The following RILPL1 variants were observed in gnomAD, a reference collection of about 807,000 sequenced individuals.
The protein encoded by RILPL1 is Rab interacting lysosomal protein like 1.
Under a neutral mutation model 50.3 loss-of-function variants are expected in RILPL1, and 33 were observed. The observed-to-expected ratio is 0.66, with a 90% CI of 0.50 to 0.88. The LOEUF (loss-of-function observed/expected upper bound fraction) is 0.88. Among genes scored for constraint, RILPL1 ranks in the 40% least tolerant of loss-of-function variants. RILPL1 has a pLI of 0.00. For missense variants in RILPL1, 418 were observed against 542.5 expected (o/e 0.77, Z 2.28); for synonymous variants, 205 against 228.6 (o/e 0.90, Z 0.93).
chr12:123,531,406 G>A (rs1593613558), intron 1 of RILPL1, among the ~76,000 whole-genome samples: 1 of 152,256 alleles, frequency 6.6e-6, no homozygotes, highest in Non-Finnish European at 1.5e-5. Flanking sequence ...GCCCCAGTTG[G>A]GGGACAGTAT....
rs988366252 is a variant in RILPL1, at chr12:123,489,043, G to A, written c.802-3238C>T. On this transcript the variant is annotated intron_variant, in intron 4 of 6. Coordinates refer to ENST00000376874, the MANE Select transcript of RILPL1 (RefSeq NM_178314.5). This position sits in a 1 kb window ranked among gnomAD's most constrained non-coding sequence, Gnocchi z 4.0. ...CCCAAGACCACATACAACAGGTGACGGATATGCGGCCGGCATTCAATCGCG... is the reference window on the plus strand; with the variant it reads ...CCCAAGACCACATACAACAGGTGACAGATATGCGGCCGGCATTCAATCGCG... 5.9e-5 allele frequency among the ~76,000 whole-genome samples: 9 copies of A among 152,076 alleles called. No individual in the cohort carries two copies. The highest frequency in any genetic ancestry group is 1.9e-4 in the African/African-American group (8 of 41,414).
chr12:123,477,805 G>A (rs2139307436), intron 6 of RILPL1, among the ~76,000 whole-genome samples: 1 of 152,106 alleles, frequency 6.6e-6, no homozygotes, highest in African/African-American at 2.4e-5. Flanking sequence ...CACCCAAAGA[G>A]GGTGCCCACA....
intron 2 of RILPL1, among the ~76,000 whole-genome samples, chr12:123,505,337 G>C (rs567290452): frequency 3.3e-5 from 5 of 152,038 alleles, no homozygotes; most frequent in Non-Finnish European, 5.9e-5. Context: ...CAGCCTGTTT[G>C]TTTAGAGACA....
intron 2 of RILPL1, among the ~76,000 whole-genome samples, chr12:123,512,243 AGT>A (rs763990247): frequency 9.1e-5 from 7 of 77,148 alleles, no homozygotes; most frequent in East Asian, 4.5e-4. Flanking sequence ...TGGTGTGTGC[AGT>A]GTGTGTGTAT....
At chr12:123,495,461 G>A (rs1393194484) in intron 4 of RILPL1, among the ~76,000 whole-genome samples, 1 of 147,822 alleles carries the variant, frequency 6.8e-6, no homozygotes, top group Admixed American at 6.9e-5. Context: ...TGCAAGCTTC[G>A]CCTCCTGGGT....
chr12:123,515,416 G>A (rs924953582), intron 2 of RILPL1: 9 of 151,402 alleles, frequency 5.9e-5, no homozygotes, highest in Non-Finnish European at 2.9e-5. Flanking sequence ...TGACTCTTAC[G>A]CAGTAAGAGT....
chr12:123,522,046 C>T lies in RILPL1; in HGVS notation c.460+1449G>A, dbSNP rs955009410. On this transcript the variant is annotated intron_variant, in intron 2 of 6. Coordinates refer to ENST00000376874, the MANE Select transcript of RILPL1 (RefSeq NM_178314.5). This position sits in a 1 kb window ranked among gnomAD's most constrained non-coding sequence, Gnocchi z 4.0. ...TTGGCCTCCCAAAGTGCTGGGATTA[C>T]AGGCGTGAGCCACTGTGCCTGGCCT... 6.6e-6 allele frequency among the ~76,000 whole-genome samples: 1 copy of T among 152,158 alleles called. No individual in the cohort carries two copies. Among genetic ancestry groups the T allele is most frequent in the African/African-American group, 2.4e-5 (1 of 41,446 alleles).
At position 123,533,501 on chromosome 12, in the gene RILPL1, T is replaced by G. The variant is rs1885525175; in HGVS notation, c.-19A>C. On this transcript the variant is annotated 5_prime_UTR_variant, in exon 1 of 7. Coordinates refer to ENST00000376874, the MANE Select transcript of RILPL1 (RefSeq NM_178314.5). This position sits in a 1 kb window ranked among gnomAD's most constrained non-coding sequence, Gnocchi z 6.2. Reference sequence around the variant, plus strand: ...CCTCCATGGCCACCCTCCTGGCCTGTCCCCCGCCCCGCAAACTCGTGCAAC... The same window carrying G: ...CCTCCATGGCCACCCTCCTGGCCTGGCCCCCGCCCCGCAAACTCGTGCAAC... 1 of 1,480,246 alleles carries G rather than the reference T, an allele frequency of 6.8e-7. No homozygotes were observed. The highest frequency in any genetic ancestry group is 1.4e-5 in the African/African-American group (1 of 70,876). The allele number at this position is 1,480,246 out of a possible 1,614,324, so 91.7% of individuals were successfully genotyped here. A position where few individuals can be genotyped will look rare whatever the true frequency, so the allele number is the denominator to read the frequency against.
In RILPL1 at chr12:123,521,573, ACACACATATGTGTATATATATAT is replaced by A. The variant is rs1885014480; in HGVS notation, c.460+1899_460+1921del. On this transcript the variant is annotated intron_variant, in intron 2 of 6. Coordinates refer to ENST00000376874, the MANE Select transcript of RILPL1 (RefSeq NM_178314.5). ...TGTGTGTATATATATTAATATATAT[ACACACATATGTGTATATATATAT>A]TAATATATATACACACATATGTGTA... Among the ~76,000 whole-genome samples, 7 of 17,278 alleles carry A rather than the reference ACACACATATGTGTATATATATAT, an allele frequency of 4.1e-4. 1 individual carries two copies. The highest frequency in any genetic ancestry group is 1.6e-3 in the African/African-American group (7 of 4,504). 11.3% of individuals were successfully genotyped at this position (17,278 alleles called of 152,430 possible). A position where few individuals can be genotyped will look rare whatever the true frequency, so the allele number is the denominator to read the frequency against.
chr12:123,521,660 T>C (rs1332019149), intron 2 of RILPL1, among the ~76,000 whole-genome samples: 550 of 19,778 alleles, frequency 0.028, 8 homozygotes, highest in African/African-American at 0.066. Context: ...TACACATATA[T>C]GTATATATAT....
At chr12:123,526,593 A>T (rs28535724) in intron 1 of RILPL1, among the ~76,000 whole-genome samples, 7,650 of 152,318 alleles carry the variant, frequency 0.05, 242 homozygotes, top group South Asian at 0.11. Context: ...TCCCATCCCT[A>T]CAATTCATCA....
chr12:123,472,946 C>A (rs73412254), intron 6 of RILPL1: 3 of 392,452 alleles, frequency 7.6e-6, no homozygotes, highest in Non-Finnish European at 1.4e-5. Flanking sequence ...GTGTCTTCCA[C>A]GTTAGCCGCT....
In RILPL1 at chr12:123,514,114, T is replaced by G. The variant is rs560737615; in HGVS notation, c.460+9381A>C. On this transcript the variant is annotated intron_variant, in intron 2 of 6. Coordinates refer to ENST00000376874, the MANE Select transcript of RILPL1 (RefSeq NM_178314.5). ...AGCACAACGCGCTCAGTCCACACAG[T>G]GGAGGACAATTCAGCCATAACGAGG... 3 of 152,252 alleles carry G rather than the reference T, an allele frequency of 2.0e-5. 1 individual carries two copies. In the East Asian group the frequency reaches 5.8e-4, roughly 29 times the overall value. The allele number at this position is 152,252 out of a possible 1,614,324, so 9.4% of individuals were successfully genotyped here.
intron 6 of RILPL1, among the ~76,000 whole-genome samples, chr12:123,477,615 C>T (rs1029572149): frequency 1.3e-5 from 2 of 151,968 alleles, no homozygotes; most frequent in Non-Finnish European, 2.9e-5. Flanking sequence ...CTGGAGTGAA[C>T]CACCACGCCT....
chr12:123,500,765 G>A lies in RILPL1; in HGVS notation c.461-1229C>T, dbSNP rs112049615. Among the ~76,000 whole-genome samples, 431 of 152,190 alleles carry A rather than the reference G, an allele frequency of 2.8e-3. 1 individual carries two copies. The highest frequency in any genetic ancestry group is 9.4e-3 in the African/African-American group (390 of 41,512). On this transcript the variant is annotated intron_variant, in intron 2 of 6. Coordinates refer to ENST00000376874, the MANE Select transcript of RILPL1 (RefSeq NM_178314.5). ...CCCGCAACTCATAGGGCTGTTGTGA[G>A]GATTGATTATGTCAACCTAAATGAT...
At chr12:123,505,725 T>A (rs536127081) in intron 2 of RILPL1, among the ~76,000 whole-genome samples, 7 of 152,146 alleles carry the variant, frequency 4.6e-5, no homozygotes, top group Non-Finnish European at 1.0e-4. Context: ...TGGGCTTAAG[T>A]GATCCTCCCA....
At chr12:123,509,052 GC>G (rs1566133322) in intron 2 of RILPL1, among the ~76,000 whole-genome samples, 1 of 152,028 alleles carries the variant, frequency 6.6e-6, no homozygotes, top group East Asian at 1.9e-4. Context: ...GCTGGAAATC[GC>G]TTCAACTCAG....
intron 6 of RILPL1, chr12:123,475,677 G>T (rs376691982): frequency 6.3e-7 from 1 of 1,590,264 alleles, no homozygotes; most frequent in East Asian, 2.2e-5. Context: ...GAAACAAGTC[G>T]TCGGACAGGC....
intron 2 of RILPL1, among the ~76,000 whole-genome samples, chr12:123,516,142 A>G (rs1284335791): frequency 1.3e-5 from 2 of 151,410 alleles, no homozygotes; most frequent in African/African-American, 2.4e-5. Flanking sequence ...GGGTCTCTTC[A>G]TATCAGACCA....
Sources: gnomAD v4.1 joint callset for allele counts (sites outside exome capture counted in the v4.1 genomes callset) on GRCh38, gnomAD v4.1.1 for gene constraint, Gnocchi (gnomAD v3.1) non-coding constraint, MANE v1.5 for transcripts, NCBI Gene and HGNC (gene_info 2026-07-23, HGNC 2026-07-21) for gene names.